DRC9: variants seen among roughly 807,000 people sequenced by gnomAD.
DRC9 encodes dynein regulatory complex protein 9.
the DRC9 span, among the ~76,000 whole-genome samples, chr3:197,891,951 G>T: frequency 6.6e-6 from 1 of 152,114 alleles, no homozygotes; most frequent in African/African-American, 2.4e-5. Context: ...GTGCAGTGGC[G>T]CAGTGTTGGC....
At chr3:197,944,589 C>G in the DRC9 span, among the ~76,000 whole-genome samples, 1 of 152,174 alleles carries the variant, frequency 6.6e-6, no homozygotes, top group Non-Finnish European at 1.5e-5. Context: ...GCTGGGACTA[C>G]AGGCGTCCAC....
At chr3:197,889,383 T>C in the DRC9 span, 1 of 629,472 alleles carries the variant, frequency 1.6e-6, no homozygotes, top group African/African-American at 1.8e-5. Flanking sequence ...AATGGTGTAA[T>C]CCTAAATCAG....
chr3:197,920,270 G>A, the DRC9 span, among the ~76,000 whole-genome samples: 2 of 151,660 alleles, frequency 1.3e-5, no homozygotes, highest in South Asian at 2.1e-4. Context: ...TTAGAATACC[G>A]GCTGATACTA....
chr3:197,891,494 GCTC>G, the DRC9 span: 1 of 1,606,516 alleles, frequency 6.2e-7, no homozygotes, highest in Non-Finnish European at 8.5e-7. Flanking sequence ...CCTTCTTCTT[GCTC>G]CTCTCCTTTT....
the DRC9 span, among the ~76,000 whole-genome samples, chr3:197,933,266 C>A: frequency 2.0e-5 from 3 of 151,386 alleles, no homozygotes; most frequent in East Asian, 3.9e-4. Flanking sequence ...CATAGTGAAA[C>A]CTCGTCTCTA....
the DRC9 span, chr3:197,912,667 G>C: frequency 5.0e-6 from 8 of 1,610,352 alleles, no homozygotes; most frequent in South Asian, 8.8e-5. Context: ...AAAGCTGTGG[G>C]GACCCACCTG....
the DRC9 span, chr3:197,954,470 A>C: frequency 2.5e-6 from 1 of 398,156 alleles, no homozygotes. Context: ...AGTAGCTGGG[A>C]CCATAGGCGT....
At chr3:197,912,991 C>G in the DRC9 span, 1 of 472,048 alleles carries the variant, frequency 2.1e-6, no homozygotes, top group Non-Finnish European at 3.8e-6. Flanking sequence ...GAGGTGCCCA[C>G]TGAAGGACAG....
the DRC9 span, chr3:197,892,544 C>A: frequency 1.3e-6 from 2 of 1,508,794 alleles, no homozygotes; most frequent in Non-Finnish European, 9.0e-7. Flanking sequence ...TCAGTGAGTG[C>A]CCTAATTCCT....
the DRC9 span, among the ~76,000 whole-genome samples, chr3:197,931,857 C>G: frequency 1.3e-5 from 2 of 151,950 alleles, no homozygotes; most frequent in African/African-American, 4.8e-5. Flanking sequence ...GATCTCCTGA[C>G]CTCGTGATCC....
chr3:197,909,708 C>T, the DRC9 span, among the ~76,000 whole-genome samples: 38 of 152,172 alleles, frequency 2.5e-4, no homozygotes, highest in Non-Finnish European at 4.3e-4. Flanking sequence ...GAAACAAATA[C>T]TAGGCCGGGT....
the DRC9 span, chr3:197,889,832 G>T: frequency 1.7e-6 from 2 of 1,209,210 alleles, no homozygotes; most frequent in Non-Finnish European, 2.4e-6. Context: ...CTCTCTCCAG[G>T]ACATGGAAGT....
chr3:197,912,380 G>A, the DRC9 span: 1 of 255,816 alleles, frequency 3.9e-6, no homozygotes, highest in Non-Finnish European at 7.4e-6. Flanking sequence ...TAAATTTTAA[G>A]TCATAAATTA....
the DRC9 span, among the ~76,000 whole-genome samples, chr3:197,905,315 G>A: frequency 6.6e-6 from 1 of 152,092 alleles, no homozygotes; most frequent in African/African-American, 2.4e-5. Flanking sequence ...CGTGTCACAC[G>A]CCTGTATCAA....
the DRC9 span, chr3:197,945,593 C>T: frequency 6.6e-7 from 1 of 1,515,272 alleles, no homozygotes. Flanking sequence ...TACATGTATA[C>T]AAAAAACATT....
chr3:197,930,305 G>A, the DRC9 span, among the ~76,000 whole-genome samples: 1 of 152,274 alleles, frequency 6.6e-6, no homozygotes. Context: ...CCAAGATCAT[G>A]CCACTGCACT....
the DRC9 span, among the ~76,000 whole-genome samples, chr3:197,914,412 C>G: frequency 6.6e-6 from 1 of 152,198 alleles, no homozygotes; most frequent in Non-Finnish European, 1.5e-5. Flanking sequence ...AAATCTCCAA[C>G]TTTTTACTTT....
At chr3:197,932,189 T>C in the DRC9 span, 3 of 1,612,588 alleles carry the variant, frequency 1.9e-6, no homozygotes, top group South Asian at 1.1e-5. Context: ...AATGATGTCA[T>C]AGAAATGCAT....
chr3:197,905,468 C>T, the DRC9 span, among the ~76,000 whole-genome samples: 231 of 152,092 alleles, frequency 1.5e-3, 2 homozygotes, highest in East Asian at 0.04. Flanking sequence ...AATAACAGGC[C>T]GGGTGTGATG....
Sources: gnomAD v4.1 joint callset for allele counts (sites outside exome capture counted in the v4.1 genomes callset) on GRCh38, gnomAD v4.1.1 for gene constraint, MANE v1.5 for transcripts, NCBI Gene and HGNC (gene_info 2026-07-23, HGNC 2026-07-21) for gene names.